The following SLC4A4 variants were observed in gnomAD, a reference collection of about 807,000 sequenced individuals.
SLC4A4 encodes the protein solute carrier family 4 member 4, also known as electrogenic sodium bicarbonate cotransporter 1.
SLC4A4 carries 27 observed loss-of-function variants against 111.5 expected under a neutral mutation model. The observed-to-expected ratio is 0.24, with a 90% CI of 0.18 to 0.33. SLC4A4 has a LOEUF of 0.33. Ranked by LOEUF, SLC4A4 falls within the 10% of genes least tolerant of loss-of-function variation. The pLI is 1.00. For missense variants in SLC4A4, 909 were observed against 1,315.5 expected (o/e 0.69, Z 4.78); for synonymous variants, 443 against 463.4 (o/e 0.96, Z 0.57).
At chr4:71,111,524 G>GTT (rs150777420) in intron 2 of SLC4A4, among the ~76,000 whole-genome samples, 76 of 60,814 alleles carry the variant, frequency 1.2e-3, no homozygotes, top group East Asian at 1.9e-3. Flanking sequence ...CCACGCTCAG[G>GTT]TTTTTTTTTT....
intron 2 of SLC4A4, among the ~76,000 whole-genome samples, chr4:71,178,475 G>T (rs1007033865): frequency 6.6e-6 from 1 of 151,872 alleles, no homozygotes; most frequent in Non-Finnish European, 1.5e-5. Context: ...TAATAAAGAA[G>T]AAAAGAGAGA....
chr4:71,519,292 G>C (rs1015130805), intron 16 of SLC4A4, among the ~76,000 whole-genome samples: 2 of 152,126 alleles, frequency 1.3e-5, no homozygotes, highest in African/African-American at 4.8e-5. Context: ...CCCAAGTTGA[G>C]GATAACTCTT....
At chr4:71,362,778 G>T (rs890182091) in intron 6 of SLC4A4, among the ~76,000 whole-genome samples, 6 of 152,182 alleles carry the variant, frequency 3.9e-5, no homozygotes, top group African/African-American at 1.4e-4. Context: ...ACTTGGTAAA[G>T]TTGTCCCATC....
intron 2 of SLC4A4, among the ~76,000 whole-genome samples, chr4:71,168,666 G>GT (rs1214470672): frequency 1.4e-5 from 2 of 141,950 alleles, no homozygotes; most frequent in African/African-American, 2.6e-5. Context: ...GAGTTCAATT[G>GT]TTTTGATTTT....
At chr4:71,212,954 A>G (rs1170713858) in intron 1 of SLC4A4, among the ~76,000 whole-genome samples, 2 of 152,186 alleles carry the variant, frequency 1.3e-5, no homozygotes, top group African/African-American at 4.8e-5. Context: ...TACATTTTCT[A>G]TGTTTAGATA....
At chr4:71,214,339 T>C (rs1051583237) in intron 1 of SLC4A4, among the ~76,000 whole-genome samples, 1 of 152,108 alleles carries the variant, frequency 6.6e-6, no homozygotes, top group African/African-American at 2.4e-5. Flanking sequence ...TTCAGTTACA[T>C]TGTGGATTTT....
chr4:71,557,439 G>A (rs1285658154), intron 21 of SLC4A4, among the ~76,000 whole-genome samples: 1 of 151,846 alleles, frequency 6.6e-6, no homozygotes, highest in African/African-American at 2.4e-5. Flanking sequence ...TAGGAGATGA[G>A]CTCCTAGAAT....
At chr4:71,400,824 A>T (rs1182914882) in intron 7 of SLC4A4, among the ~76,000 whole-genome samples, 1 of 150,976 alleles carries the variant, frequency 6.6e-6, no homozygotes, top group Admixed American at 6.6e-5. Flanking sequence ...TCTGGCTTTT[A>T]TTTTTTTTTA....
intron 2 of SLC4A4, among the ~76,000 whole-genome samples, chr4:71,111,948 C>T (rs1186453189): frequency 6.6e-6 from 1 of 152,140 alleles, no homozygotes; most frequent in South Asian, 2.1e-4. Flanking sequence ...CCACCCGCCT[C>T]GGCCTTCCAA....
At position 71,154,521 on chromosome 4, in the gene SLC4A4, A is replaced by G. The variant is rs192738993; in HGVS notation, c.-2+61729A>G. On this transcript the variant is annotated intron_variant, in intron 2 of 26. Transcript: ENST00000649996. ...ACAAGAGAGGATGCAGTAAAGAATTACCTGCCCTTCCAGTGTACAATCAAC... is the reference window on the plus strand; with the variant it reads ...ACAAGAGAGGATGCAGTAAAGAATTGCCTGCCCTTCCAGTGTACAATCAAC... 1.8e-4 allele frequency among the ~76,000 whole-genome samples: 28 copies of G among 151,972 alleles called. No homozygotes were observed. In the East Asian group the frequency reaches 2.3e-3, roughly 13 times the overall value.
At chr4:71,382,789 A>G (rs1718278087) in intron 6 of SLC4A4, among the ~76,000 whole-genome samples, 1 of 152,140 alleles carries the variant, frequency 6.6e-6, no homozygotes, top group Admixed American at 6.5e-5. Flanking sequence ...CAGAGAACCC[A>G]CCTTGTGGGG....
intron 2 of SLC4A4, among the ~76,000 whole-genome samples, chr4:71,149,739 C>T (rs4694090): frequency 0.71 from 107,956 of 152,020 alleles, 40,525 homozygotes; most frequent in Admixed American, 0.83. Flanking sequence ...GTTTTGTCAA[C>T]TGTGCTGATA....
At chr4:71,384,505 C>T (rs1026440880) in intron 6 of SLC4A4, among the ~76,000 whole-genome samples, 1 of 152,054 alleles carries the variant, frequency 6.6e-6, no homozygotes. Context: ...ATTGAATGGC[C>T]TTTTCCCAAG....
chr4:71,335,809 T>C (rs1352795379), intron 3 of SLC4A4, among the ~76,000 whole-genome samples: 2 of 151,086 alleles, frequency 1.3e-5, no homozygotes, highest in Non-Finnish European at 2.9e-5. Context: ...TGGGCAATAG[T>C]GTGAGACTCT....
At chr4:71,085,883 G>T (rs1742153639) in intron 1 of SLC4A4, among the ~76,000 whole-genome samples, 1 of 152,020 alleles carries the variant, frequency 6.6e-6, no homozygotes, top group South Asian at 2.1e-4. Context: ...ACTTGGCAAT[G>T]TGGGCTCTTT....
At chr4:71,531,812 G>A (rs932981663) in intron 16 of SLC4A4, among the ~76,000 whole-genome samples, 4 of 150,698 alleles carry the variant, frequency 2.7e-5, no homozygotes, top group African/African-American at 9.8e-5. Context: ...CACAGAAAGA[G>A]AGAGAGAGAG....
intron 2 of SLC4A4, among the ~76,000 whole-genome samples, chr4:71,237,762 G>A (rs1388185511): frequency 6.6e-6 from 1 of 152,166 alleles, no homozygotes; most frequent in Non-Finnish European, 1.5e-5. Flanking sequence ...TTCATCCCAT[G>A]TGGTGTTAGA....
At chr4:71,156,570 G>A (rs1342324744) in intron 2 of SLC4A4, among the ~76,000 whole-genome samples, 23 of 8,432 alleles carry the variant, frequency 2.7e-3, no homozygotes, top group African/African-American at 3.9e-3. Flanking sequence ...GTGTGTGCGC[G>A]CATGCGCGCG....
intron 2 of SLC4A4, among the ~76,000 whole-genome samples, chr4:71,180,139 G>A (rs1377136829): frequency 2.0e-5 from 3 of 152,200 alleles, no homozygotes; most frequent in Non-Finnish European, 4.4e-5. Flanking sequence ...GGGAAAACTG[G>A]CTAGCCATAT....
Sources: allele counts gnomAD v4.1 joint callset (sites outside exome capture counted in the v4.1 genomes callset), GRCh38; gene constraint gnomAD v4.1.1; transcripts MANE v1.5; gene names NCBI Gene and HGNC (gene_info 2026-07-23, HGNC 2026-07-21).